The following ZNF600 variants were observed in gnomAD, a reference collection of about 807,000 sequenced individuals.
ZNF600 encodes zinc finger protein KR-ZNF1.
ZNF600 carries 4 observed loss-of-function variants against 7.3 expected under a neutral mutation model. The ratio of observed to expected loss-of-function variants is 0.55; its 90% CI spans 0.27 to 1.25. The LOEUF is 1.25. ZNF600 is among the 50% of genes most tolerant of loss of function. The pLI is 0.12. For synonymous variants in ZNF600, 290 were observed against 308.9 expected, an observed-to-expected ratio of 0.94 and a Z score of 0.64; for missense variants, 911 against 922.1, an observed-to-expected ratio of 0.99 and a Z score of 0.16.
chr19:52,830,529 A>ACAAG, the ZNF600 span, among the ~76,000 whole-genome samples: 10 of 151,302 alleles, frequency 6.6e-5, no homozygotes, highest in Non-Finnish European at 1.2e-4. Flanking sequence ...CAAGGGGGAT[A>ACAAG]CAAGGACTGA....
upstream of ZNF600, among the ~76,000 whole-genome samples, chr19:52,790,253 C>T (rs2062787894): frequency 1.3e-5 from 2 of 152,146 alleles, no homozygotes; most frequent in African/African-American, 4.8e-5. Flanking sequence ...AATTCCAGCA[C>T]TTTAGGAGGC....
chr19:52,828,115 G>C, the ZNF600 span, among the ~76,000 whole-genome samples: 4 of 151,656 alleles, frequency 2.6e-5, no homozygotes, highest in Admixed American at 2.0e-4. Context: ...AAAATGGCGC[G>C]ATCTCACCTA....
At chr19:52,796,321 ACGAGACAGCAAT>A in the ZNF600 span, among the ~76,000 whole-genome samples, 2 of 152,182 alleles carry the variant, frequency 1.3e-5, no homozygotes, top group Admixed American at 1.3e-4. Flanking sequence ...TTTTATGGAC[ACGAGACAGCAAT>A]CAATACATAA....
At chr19:52,788,856 T>C (rs1000433727), upstream of ZNF600, among the ~76,000 whole-genome samples, 5 of 152,210 alleles carry the variant, frequency 3.3e-5, no homozygotes, top group African/African-American at 1.2e-4. Flanking sequence ...ATAATAGCAA[T>C]CTCTGATAAA....
exon 4 of ZNF600, chr19:52,765,093 C>T (rs980360706): frequency 8.2e-6 from 3 of 366,840 alleles, no homozygotes; most frequent in Non-Finnish European, 1.6e-5. Flanking sequence ...AATGTTAAGT[C>T]AACACAAACT....
At chr19:52,780,455 A>G (rs1352454529) in intron 1 of ZNF600, among the ~76,000 whole-genome samples, 126 bp downstream of exon 3, 1 of 152,176 alleles carries the variant, frequency 6.6e-6, no homozygotes, top group African/African-American at 2.4e-5. Context: ...AGCCCCAGGA[A>G]GAGGAAAGCG....
the ZNF600 span, among the ~76,000 whole-genome samples, chr19:52,829,985 T>A: frequency 1.3e-5 from 2 of 152,146 alleles, no homozygotes; most frequent in African/African-American, 4.8e-5. Flanking sequence ...TTTAAAAACC[T>A]GGAGGCAGCT....
exon 4 of ZNF600, chr19:52,767,387 T>C: frequency 6.2e-7 from 1 of 1,614,142 alleles, no homozygotes; most frequent in Non-Finnish European, 8.5e-7. Context: ...TTCTTTGGGA[T>C]GTTGAAACCG....
At position 52,774,558 on chromosome 19, in the gene ZNF600, G is replaced by T; in HGVS notation, c.190+17C>A. 1 of 984,864 alleles carries T rather than the reference G, an allele frequency of 1.0e-6. No homozygotes were observed. The highest frequency in any genetic ancestry group is 1.2e-6 in the Non-Finnish European group (1 of 829,888). 61.0% of individuals were successfully genotyped at this position (984,864 alleles called of 1,614,324 possible). ...AAGAGCAGACTCCTCATGTCTGGGG[G>T]ACATCATTTTCCTCACCCACAGCTT... On this transcript the variant is annotated intron_variant, in intron 3 of 3. Transcript: ENST00000648973.
At chr19:52,776,016 A>C (rs1165329758) in intron 2 of ZNF600, among the ~76,000 whole-genome samples, 2 of 150,614 alleles carry the variant, frequency 1.3e-5, no homozygotes, top group South Asian at 2.1e-4. Flanking sequence ...CAAAAAAAAA[A>C]ACCAAAAACC....
chr19:52,776,313 G>C (rs1473917948), intron 2 of ZNF600, among the ~76,000 whole-genome samples: 4 of 152,114 alleles, frequency 2.6e-5, no homozygotes, highest in East Asian at 3.9e-4. Flanking sequence ...TTATCTAGTG[G>C]AGAGAATGTG....
chr19:52,790,908 T>C (rs1357663852), upstream of ZNF600, among the ~76,000 whole-genome samples: 2 of 152,008 alleles, frequency 1.3e-5, no homozygotes, highest in Non-Finnish European at 2.9e-5. Context: ...CTCAAACCCC[T>C]GGCCTCAAGT....
chr19:52,815,555 T>A, the ZNF600 span, among the ~76,000 whole-genome samples: 2 of 146,310 alleles, frequency 1.4e-5, 1 homozygote, highest in African/African-American at 5.3e-5. Flanking sequence ...CTGGGCGTGG[T>A]GGCTCACGCC....
intron 3 of ZNF600, 101 bp downstream of exon 5, chr19:52,774,474 G>T: frequency 1.3e-5 from 9 of 713,804 alleles, no homozygotes; most frequent in Non-Finnish European, 1.3e-5. Flanking sequence ...AAAAAAAAAA[G>T]CCATGCATGG....
chr19:52,795,436 G>T, the ZNF600 span, among the ~76,000 whole-genome samples: 5 of 83,850 alleles, frequency 6.0e-5, no homozygotes, highest in African/African-American at 1.8e-4. Flanking sequence ...ACAATTTACA[G>T]TGGTTAAAAA....
chr19:52,783,532 T>C (rs1266674110), intron 1 of ZNF600, among the ~76,000 whole-genome samples: 1 of 151,830 alleles, frequency 6.6e-6, no homozygotes, highest in Admixed American at 6.6e-5. Context: ...CGGCTAATTT[T>C]TAGTTTTCTT....
At chr19:52,827,257 A>AG in the ZNF600 span, among the ~76,000 whole-genome samples, 14 of 152,022 alleles carry the variant, frequency 9.2e-5, no homozygotes, top group African/African-American at 3.1e-4. Flanking sequence ...AACAAAAAAA[A>AG]AAAAAGAAAA....
the ZNF600 span, chr19:52,809,850 G>C: frequency 1.7e-6 from 1 of 587,114 alleles, no homozygotes; most frequent in Admixed American, 3.4e-5. Flanking sequence ...TGGCGGTGGT[G>C]GCAGTAGCAC....
At chr19:52,799,286 T>C in the ZNF600 span, 1 of 348,386 alleles carries the variant, frequency 2.9e-6, no homozygotes, top group Non-Finnish European at 5.6e-6. Context: ...TCTCTCCAGT[T>C]TGAATTCTAA....
Sources: allele counts gnomAD v4.1 joint callset (sites outside exome capture counted in the v4.1 genomes callset), GRCh38; gene constraint gnomAD v4.1.1; transcripts MANE v1.5; gene names NCBI Gene and HGNC (gene_info 2026-07-23, HGNC 2026-07-21).